Variants in GARIN5A observed in about 807,000 individuals in gnomAD.
The protein encoded by GARIN5A is Golgi-associated RAB2 interactor protein 5A.
chr19:50,467,363 C>T, the GARIN5A span, among the ~76,000 whole-genome samples: 1 of 151,996 alleles, frequency 6.6e-6, no homozygotes, highest in Non-Finnish European at 1.5e-5. Flanking sequence ...CCCTGGGTCA[C>T]CTCTACTTCC....
the GARIN5A span, among the ~76,000 whole-genome samples, chr19:50,474,535 C>T: frequency 6.6e-5 from 10 of 152,008 alleles, no homozygotes; most frequent in East Asian, 1.9e-4. Flanking sequence ...TTAGTAGAGA[C>T]GGGGTTTCAC....
the GARIN5A span, among the ~76,000 whole-genome samples, chr19:50,472,579 T>C: frequency 3.6e-3 from 555 of 152,172 alleles, 5 homozygotes; most frequent in African/African-American, 0.013. Flanking sequence ...ATGAGATCAA[T>C]TGGTGAAATA....
At chr19:50,472,167 CGT>C in the GARIN5A span, among the ~76,000 whole-genome samples, 601 of 137,958 alleles carry the variant, frequency 4.4e-3, 52 homozygotes, top group African/African-American at 0.012. Flanking sequence ...TGTATGTATA[CGT>C]GTGTATATGT....
At chr19:50,476,647 G>T in the GARIN5A span, 1 of 1,533,114 alleles carries the variant, frequency 6.5e-7, no homozygotes, top group Middle Eastern at 2.3e-4. Context: ...GGCCGGGACT[G>T]GTGCGCGAGG....
the GARIN5A span, chr19:50,476,383 C>T: frequency 6.4e-7 from 1 of 1,557,866 alleles, no homozygotes; most frequent in Admixed American, 1.9e-5. Flanking sequence ...AAAGGGGCGG[C>T]CCCATCCTGC....
chr19:50,472,102 A>ATG, the GARIN5A span, among the ~76,000 whole-genome samples: 25 of 143,012 alleles, frequency 1.7e-4, no homozygotes, highest in East Asian at 5.1e-3. Context: ...GTATATGTAT[A>ATG]TATACGTGTG....
At chr19:50,476,604 A>T in the GARIN5A span, 1 of 1,568,202 alleles carries the variant, frequency 6.4e-7, no homozygotes, top group East Asian at 2.3e-5. Context: ...TGGCGGTAGC[A>T]GCGCCCAGTC....
At chr19:50,471,841 TGTGC>T in the GARIN5A span, among the ~76,000 whole-genome samples, 1 of 151,730 alleles carries the variant, frequency 6.6e-6, no homozygotes, top group East Asian at 1.9e-4. Flanking sequence ...TACATATCTG[TGTGC>T]ATACGCATAC....
chr19:50,467,554 A>C, the GARIN5A span: 3 of 1,515,580 alleles, frequency 2.0e-6, no homozygotes, highest in Admixed American at 2.0e-5. Flanking sequence ...CCCTCTCCTC[A>C]CCTCCTCCCA....
At chr19:50,476,527 T>G in the GARIN5A span, 4 of 1,570,260 alleles carry the variant, frequency 2.5e-6, no homozygotes, top group Non-Finnish European at 2.6e-6. Context: ...GTCCCTTCGC[T>G]GGTGGGAAGA....
the GARIN5A span, among the ~76,000 whole-genome samples, chr19:50,472,232 G>A: frequency 1.2e-5 from 1 of 80,428 alleles, no homozygotes; most frequent in East Asian, 3.5e-4. Context: ...ATATATACAT[G>A]TATGTGTGTA....
chr19:50,467,782 C>A, the GARIN5A span: 1 of 1,612,528 alleles, frequency 6.2e-7, no homozygotes, highest in Non-Finnish European at 8.5e-7. Flanking sequence ...GAGCTGACAC[C>A]GGCTTTTGTC....
the GARIN5A span, among the ~76,000 whole-genome samples, chr19:50,471,960 A>ATGTATATATACATGTATGTG: frequency 2.1e-3 from 317 of 147,794 alleles, 2 homozygotes; most frequent in African/African-American, 8.0e-3. Flanking sequence ...ACATGTATGT[A>ATGTATATATACATGTATGTG]TGTATATATA....
At chr19:50,475,255 G>A in the GARIN5A span, 2 of 1,505,872 alleles carry the variant, frequency 1.3e-6, no homozygotes, top group Middle Eastern at 2.5e-4. Context: ...GACGAGGGGA[G>A]GTACTGCTGG....
chr19:50,472,090 A>ATGTATATATACATGTG, the GARIN5A span, among the ~76,000 whole-genome samples: 2 of 113,328 alleles, frequency 1.8e-5, no homozygotes, highest in African/African-American at 7.2e-5. Context: ...ATGTGTGTAT[A>ATGTATATATACATGTG]TGTATATGTA....
At chr19:50,467,746 G>T in the GARIN5A span, 3 of 1,609,156 alleles carry the variant, frequency 1.9e-6, no homozygotes, top group African/African-American at 4.0e-5. Context: ...CAAGTAGAAG[G>T]TGCGGCTGGT....
chr19:50,475,736 C>T, the GARIN5A span: 3 of 894,404 alleles, frequency 3.4e-6, no homozygotes, highest in Middle Eastern at 2.2e-4. Flanking sequence ...GGGAATCCCA[C>T]GAGATGGACG....
the GARIN5A span, among the ~76,000 whole-genome samples, chr19:50,471,897 CATACATGTATGTGTGTATATGTGTAT>C: frequency 4.8e-5 from 7 of 145,684 alleles, no homozygotes; most frequent in Admixed American, 2.0e-4. Context: ...TATATGTATG[CATACATGTATGTGTGTATATGTGTAT>C]ATACATGTAT....
chr19:50,476,199 T>C, the GARIN5A span: 8 of 1,613,608 alleles, frequency 5.0e-6, no homozygotes, highest in Non-Finnish European at 6.8e-6. Context: ...TCCCGCCTCA[T>C]TGCAATGTCC....
Sources: gnomAD v4.1 joint callset for allele counts (sites outside exome capture counted in the v4.1 genomes callset) on GRCh38, gnomAD v4.1.1 for gene constraint, MANE v1.5 for transcripts, NCBI Gene and HGNC (gene_info 2026-07-23, HGNC 2026-07-21) for gene names.